AP3B1: variants seen among roughly 807,000 people sequenced by gnomAD.
The protein encoded by AP3B1 is AP-3 complex subunit beta-1.
In AP3B1, 61 loss-of-function variants were observed where a neutral mutation model predicts 132.5. That is an observed-to-expected ratio of 0.46 (90% confidence interval 0.37 to 0.57). AP3B1 has a LOEUF of 0.57. Ranked by LOEUF, AP3B1 falls within the 20% of genes least tolerant of loss-of-function variation. The pLI is 0.00. For synonymous variants in AP3B1, 388 were observed against 438.3 expected (o/e 0.89, Z 1.43); for missense variants, 1,120 against 1,289.4 (o/e 0.87, Z 2.01).
rs190638302 is a variant in AP3B1, at chr5:78,228,133, C to T, written c.375+11G>A. ...CCTTGTAGCTATTTGCCTACTCACT[C>T]CATTATTTACCTTCAGAGCTCGCTG... On this transcript the variant is annotated intron_variant, in intron 4 of 26. Transcript: ENST00000255194. 292 of 1,583,562 alleles carry T rather than the reference C, an allele frequency of 1.8e-4. 2 individuals are homozygous for T. In the African/African-American group the frequency reaches 3.6e-3, roughly 19 times the overall value.
intron 2 of AP3B1, among the ~76,000 whole-genome samples, chr5:78,263,352 T>G (rs1273311465): frequency 2.0e-5 from 3 of 152,236 alleles, no homozygotes; most frequent in African/African-American, 7.2e-5. Context: ...TGTGTTGCTT[T>G]TCTATCCTGC....
chr5:78,122,451 C>T (rs1303014103), intron 17 of AP3B1, among the ~76,000 whole-genome samples: 3 of 152,126 alleles, frequency 2.0e-5, no homozygotes, highest in African/African-American at 7.2e-5. Flanking sequence ...GAAAACCCAT[C>T]GTCTCAGCCC....
At chr5:78,045,400 A>AAAAAC (rs774847495) in intron 22 of AP3B1, among the ~76,000 whole-genome samples, 1 of 148,248 alleles carries the variant, frequency 6.7e-6, no homozygotes, top group African/African-American at 2.5e-5. Context: ...AAAAAAAAAA[A>AAAAAC]CACAAAGAAA....
chr5:78,004,241 G>A (rs753135409), intron 26 of AP3B1, among the ~76,000 whole-genome samples: 6 of 152,146 alleles, frequency 3.9e-5, no homozygotes, highest in Non-Finnish European at 7.3e-5. Flanking sequence ...AAACTGCCGC[G>A]CTAACAGCAC....
At chr5:78,082,088 C>T (rs1015672567) in intron 22 of AP3B1, among the ~76,000 whole-genome samples, 2 of 152,056 alleles carry the variant, frequency 1.3e-5, no homozygotes, top group African/African-American at 2.4e-5. Context: ...TTCCTGAGGA[C>T]CTTATGTTTT....
rs1334938382 is a variant in AP3B1 at position 78,294,634 on chromosome 5, G to A, written c.-55C>T. 6.2e-7 allele frequency: 1 copy of A among 1,611,890 alleles called. No individual in the cohort carries two copies. The highest frequency in any genetic ancestry group is 8.5e-7 in the Non-Finnish European group (1 of 1,179,820). ...TCCTGCCGGGGGTTCTCTCCAAAAG[G>A]TTCCAGTCCAGAGGGCACGGAACAA... On this transcript the variant is annotated 5_prime_UTR_variant, in exon 1 of 27. Transcript: ENST00000255194.
chr5:78,272,667 A>T (rs1226519786), intron 1 of AP3B1, among the ~76,000 whole-genome samples: 1 of 152,268 alleles, frequency 6.6e-6, no homozygotes. Context: ...AAAAGGATAC[A>T]GAAAGGAAAG....
At position 78,117,169 on chromosome 5, in the gene AP3B1, C is replaced by T. The variant is rs558442885; in HGVS notation, c.1969-935G>A. Among the ~76,000 whole-genome samples, 49 of 144,614 alleles carry T rather than the reference C, an allele frequency of 3.4e-4. No individual in the cohort carries two copies. The South Asian group carries it at 4.3e-3, about 13-fold the overall frequency. The allele number at this position is 144,614 out of a possible 152,430, so 94.9% of individuals were successfully genotyped here. A position where few individuals can be genotyped will look rare whatever the true frequency, so the allele number is the denominator to read the frequency against. On this transcript the variant is annotated intron_variant, in intron 17 of 26. Coordinates refer to ENST00000255194, the MANE Select transcript of AP3B1 (RefSeq NM_003664.5). Reference sequence around the variant, plus strand: ...TGGCACTTCCAACACCATTCCCCACCACCTTTTTTTTTTTTTTTTTTTTAA... The same window carrying T: ...TGGCACTTCCAACACCATTCCCCACTACCTTTTTTTTTTTTTTTTTTTTAA...
intron 24 of AP3B1, 47 bp downstream of exon 24, chr5:78,034,314 C>T (rs375734026): frequency 2.1e-6 from 3 of 1,417,434 alleles, no homozygotes; most frequent in Non-Finnish European, 3.0e-6. Flanking sequence ...TTTTGATCTG[C>T]TATCCTTTAC....
At chr5:78,027,450 T>A (rs560934487) in intron 24 of AP3B1, among the ~76,000 whole-genome samples, 1 of 152,154 alleles carries the variant, frequency 6.6e-6, no homozygotes, top group East Asian at 1.9e-4. Flanking sequence ...ATAAAAATAT[T>A]CTTGTGGCTT....
chr5:78,204,889 T>C (rs1745442418), intron 7 of AP3B1, among the ~76,000 whole-genome samples: 1 of 152,172 alleles, frequency 6.6e-6, no homozygotes, highest in South Asian at 2.1e-4. Context: ...CTGTAAACCT[T>C]TGACTATTTT....
At chr5:78,156,178 C>T (rs1743140304) in intron 14 of AP3B1, 80 bp downstream of exon 14, 2 of 1,000,918 alleles carry the variant, frequency 2.0e-6, no homozygotes, top group East Asian at 2.4e-5. Flanking sequence ...TAACCATTAC[C>T]CTTTAGGCTG....
intron 1 of AP3B1, among the ~76,000 whole-genome samples, 173 bp from the exon 2 acceptor site, chr5:78,267,768 G>A (rs1052324293): frequency 3.4e-4 from 52 of 152,170 alleles, no homozygotes; most frequent in Admixed American, 2.9e-3. Flanking sequence ...AACCAAACCC[G>A]CCAACACCTT....
At chr5:78,059,507 T>C (rs1748953203) in intron 22 of AP3B1, among the ~76,000 whole-genome samples, 1 of 152,184 alleles carries the variant, frequency 6.6e-6, no homozygotes, top group African/African-American at 2.4e-5. Flanking sequence ...ATAGTTTGTA[T>C]GCATGCAACT....
chr5:78,015,339 T>A (rs1039051488), intron 26 of AP3B1, 71 bp downstream of exon 26: 33 of 1,475,658 alleles, frequency 2.2e-5, no homozygotes, highest in African/African-American at 8.5e-5. Flanking sequence ...AAGAAAACAA[T>A]GAATTTAAAA....
chr5:78,171,952 C>T (rs750899008), intron 11 of AP3B1, among the ~76,000 whole-genome samples: 19 of 152,098 alleles, frequency 1.2e-4, no homozygotes, highest in Non-Finnish European at 2.5e-4. Context: ...GCATGAAGGG[C>T]TGTTGAATTT....
rs766154145 is a variant in AP3B1 at position 78,156,358 on chromosome 5, A to C, written c.1373T>G (p.Val458Gly). 1 of 1,608,494 alleles carries C rather than the reference A, an allele frequency of 6.2e-7. No individual in the cohort carries two copies. The highest frequency in any genetic ancestry group is 1.7e-5 in the Admixed American group (1 of 60,020). ...CLLSNRDEIV[V>G]AESVVVIKKL... ...CTTTATAACAACCACACTTTCAGCA[A>C]CAACTATTTCTGAAAAAGATAGAAA... Residue 458 changes from valine to glycine, a missense_variant, in exon 14 of 27, where the codon GTT becomes GGT. Around this residue, in one of 3 missense-constraint regions of AP3B1, gnomAD observed 906 missense variants for 997.1 expected, o/e 0.91. Transcript: ENST00000255194.
rs1477992000 is a variant in AP3B1 at position 78,244,118 on chromosome 5, TAAG to T, written c.205-3185_205-3183del. ...GATATAAGAAAGAAGGGACATGAAT[TAAG>T]AAGAACTACTGCCTGTAATCCCGGC... On this transcript the variant is annotated intron_variant, in intron 2 of 26. Transcript: ENST00000255194. Among the ~76,000 whole-genome samples, 15 of 152,144 alleles carry T rather than the reference TAAG, an allele frequency of 9.9e-5. No individual in the cohort carries two copies. In the South Asian group the frequency reaches 2.1e-3, roughly 21 times the overall value.
chr5:78,193,692 A>T (rs866566298), intron 7 of AP3B1, among the ~76,000 whole-genome samples: 60 of 144,732 alleles, frequency 4.1e-4, no homozygotes, highest in African/African-American at 1.4e-3. Context: ...TTACATATAT[A>T]TTTTTAAATA....
Sources: gnomAD v4.1 joint callset for allele counts (sites outside exome capture counted in the v4.1 genomes callset) on GRCh38, gnomAD v4.1.1 for gene constraint, gnomAD v4.1.1 regional missense constraint, MANE v1.5 for transcripts, NCBI Gene and HGNC (gene_info 2026-07-23, HGNC 2026-07-21) for gene names.